Variants in SEC24D observed in about 807,000 individuals in gnomAD.
The protein encoded by SEC24D is SEC24 homolog D, COPII component.
Under a neutral mutation model 116.9 loss-of-function variants are expected in SEC24D, and 69 were observed. The ratio of observed to expected loss-of-function variants is 0.59; its 90% CI spans 0.49 to 0.72. SEC24D has a LOEUF of 0.72. Among genes scored for constraint, SEC24D ranks in the 30% least tolerant of loss-of-function variants. SEC24D has a pLI of 0.00. For missense variants in SEC24D, 1,131 were observed against 1,264.1 expected (o/e 0.89, Z 1.60); for synonymous variants, 405 against 442.8 (o/e 0.91, Z 1.07).
At chr4:118,764,600 A>G (rs747277857) in intron 10 of SEC24D, 2 of 460,042 alleles carry the variant, frequency 4.3e-6, no homozygotes, top group Non-Finnish European at 7.7e-6. Context: ...GTTTTTAAAA[A>G]TAATTCCTCC....
intron 19 of SEC24D, chr4:118,736,549 A>G: frequency 3.0e-6 from 1 of 330,014 alleles, no homozygotes; most frequent in Middle Eastern, 3.8e-4. Flanking sequence ...ATCTTCATAG[A>G]TATTATTTTT....
intron 8 of SEC24D, among the ~76,000 whole-genome samples, chr4:118,774,893 C>T (rs1728062353): frequency 6.6e-6 from 1 of 152,138 alleles, no homozygotes; most frequent in Non-Finnish European, 1.5e-5. Context: ...TTGACTTTCC[C>T]CCACTAATTG....
At chr4:118,765,191 T>A (rs1727587115) in intron 9 of SEC24D, among the ~76,000 whole-genome samples, 2 of 152,224 alleles carry the variant, frequency 1.3e-5, no homozygotes, top group Admixed American at 1.3e-4. Context: ...GTTTTTAAGT[T>A]GTCACAACCC....
At chr4:118,749,443 G>C (rs1244171794) in intron 13 of SEC24D, among the ~76,000 whole-genome samples, 1 of 152,154 alleles carries the variant, frequency 6.6e-6, no homozygotes, top group Non-Finnish European at 1.5e-5. Context: ...AGAAAATAAA[G>C]TTATAATAAA....
rs767316891 is a variant in SEC24D, at chr4:118,790,356, T to C, written c.1041+7327A>G. Among the ~76,000 whole-genome samples the C allele has an allele frequency of 2.5e-4, 38 of 152,306 alleles. 1 individual carries two copies. Among genetic ancestry groups the C allele is most frequent in the Middle Eastern group, 3.4e-3 (1 of 294 alleles). ...TTAGACTATGCACTTGTCCAAAAGA[T>C]AAACATTTCCTATTTTAGAGAAAAA... On this transcript the variant is annotated intron_variant, in intron 8 of 22. Coordinates refer to ENST00000280551, the MANE Select transcript of SEC24D (RefSeq NM_014822.4).
At chr4:118,772,774 C>T (rs917982232) in intron 8 of SEC24D, among the ~76,000 whole-genome samples, 1 of 152,118 alleles carries the variant, frequency 6.6e-6, no homozygotes, top group Non-Finnish European at 1.5e-5. Context: ...CAGTACACTG[C>T]GATGAAGAAA....
At chr4:118,830,378 CAT>C (rs780952707) in intron 2 of SEC24D, among the ~76,000 whole-genome samples, 17 of 152,290 alleles carry the variant, frequency 1.1e-4, no homozygotes, top group Admixed American at 2.0e-4. Context: ...GCCTGGGAAA[CAT>C]AGGGAGATCC....
In SEC24D at chr4:118,815,251, A is replaced by G. The variant is rs144669048; in HGVS notation, c.674-96T>C. ...TATGCTGTTCAGTCAAGCATGTTGT[A>G]TTTTTCATCTTATTAAAAAAAGCAA... On this transcript the variant is annotated intron_variant, in intron 5 of 22. Coordinates refer to ENST00000280551, the MANE Select transcript of SEC24D (RefSeq NM_014822.4). The G allele has an allele frequency of 2.7e-6, 4 of 1,469,262 alleles. No homozygotes were observed. In the East Asian group the frequency reaches 9.3e-5, roughly 34 times the overall value. 91.0% of individuals were successfully genotyped at this position (1,469,262 alleles called of 1,614,324 possible). A position where few individuals can be genotyped will look rare whatever the true frequency, so the allele number is the denominator to read the frequency against.
chr4:118,761,669 G>T (rs186255611), intron 10 of SEC24D, among the ~76,000 whole-genome samples: 1 of 152,206 alleles, frequency 6.6e-6, no homozygotes, highest in Non-Finnish European at 1.5e-5. Flanking sequence ...ATGTTTTGAG[G>T]GAAGGGGGAA....
At position 118,810,074 on chromosome 4, in the gene SEC24D, C is replaced by CT. The variant is rs776835322; in HGVS notation, c.802-4121dup. On this transcript the variant is annotated intron_variant, in intron 6 of 22. Coordinates refer to ENST00000280551, the MANE Select transcript of SEC24D (RefSeq NM_014822.4). Reference sequence around the variant, plus strand: ...TGGTAAGAGACCAGGTCAGAGGTAGCTGTGTGTGTGTGTGTGTGTGTGTGT... The same window carrying CT: ...TGGTAAGAGACCAGGTCAGAGGTAGCTTGTGTGTGTGTGTGTGTGTGTGTGT... Among the ~76,000 whole-genome samples, 18 of 38,620 alleles carry CT rather than the reference C, an allele frequency of 4.7e-4. No homozygotes were observed. The East Asian group carries it at 0.021, about 45-fold the overall frequency. 25.3% of individuals were successfully genotyped at this position (38,620 alleles called of 152,430 possible). A position where few individuals can be genotyped will look rare whatever the true frequency, so the allele number is the denominator to read the frequency against.
intron 8 of SEC24D, among the ~76,000 whole-genome samples, chr4:118,789,831 A>G (rs1465162473): frequency 1.3e-5 from 2 of 152,088 alleles, no homozygotes; most frequent in African/African-American, 4.8e-5. Flanking sequence ...TGATCCACCC[A>G]CCTTGGCCTC....
intron 8 of SEC24D, among the ~76,000 whole-genome samples, chr4:118,784,415 T>G (rs1309121984): frequency 6.6e-6 from 1 of 152,166 alleles, no homozygotes. Context: ...TAAAGAATTT[T>G]TCAAAACTTT....
chr4:118,729,868 A>C (rs1438331196), intron 21 of SEC24D: 1 of 152,202 alleles, frequency 6.6e-6, no homozygotes, highest in Non-Finnish European at 1.5e-5. Flanking sequence ...CATTATTTAC[A>C]TTCACACTCC....
chr4:118,800,104 G>A (rs1211023874), intron 7 of SEC24D, among the ~76,000 whole-genome samples: 1 of 152,258 alleles, frequency 6.6e-6, no homozygotes, highest in South Asian at 2.1e-4. Context: ...ATGCAGGTGG[G>A]CACAGTGGGA....
intron 8 of SEC24D, among the ~76,000 whole-genome samples, chr4:118,782,505 G>A (rs1347535968): frequency 6.6e-6 from 1 of 152,168 alleles, no homozygotes; most frequent in Non-Finnish European, 1.5e-5. Flanking sequence ...ACCTGTATGA[G>A]GTGTCAGTCA....
At chr4:118,760,136 TTCTC>T (rs1727299346) in intron 10 of SEC24D, among the ~76,000 whole-genome samples, 1 of 152,124 alleles carries the variant, frequency 6.6e-6, no homozygotes, top group Admixed American at 6.5e-5. Context: ...GATCCTCAAT[TTCTC>T]TCTTTTTCTA....
chr4:118,760,771 G>C (rs1051376213), intron 10 of SEC24D, among the ~76,000 whole-genome samples: 1 of 151,830 alleles, frequency 6.6e-6, no homozygotes, highest in East Asian at 1.9e-4. Flanking sequence ...GCAGTGGTGC[G>C]ATCTCGGCTC....
Position 118,739,149 on chromosome 4 carries a change from C to G in SEC24D, c.2377G>C (p.Ala793Pro). The change falls in exon 18 of 23, where the codon GCT becomes CCT. Residue 793 changes from alanine (A) to proline (P), a missense_variant and splice_region_variant. Ala to Pro is a conservative substitution (Grantham distance 27, BLOSUM62 -1). Transcript: ENST00000280551. The part of the protein sequence containing the change: ...DALINFFAKS[A>P]FKAVLHQPLK... ...AACCTCAGGATTGGCAAAGTGTTAC[C>G]TGACTTGGCAAAGAAGTTGATAAGA... 6.2e-7 allele frequency: 1 copy of G among 1,613,284 alleles called. No individual in the cohort carries two copies. The highest frequency in any genetic ancestry group is 8.5e-7 in the Non-Finnish European group (1 of 1,179,490).
intron 7 of SEC24D, among the ~76,000 whole-genome samples, chr4:118,803,706 A>G (rs1330968285): frequency 1.3e-5 from 2 of 152,206 alleles, no homozygotes; most frequent in African/African-American, 4.8e-5. Context: ...AGAATGCTTG[A>G]GTTCAAATTC....
Sources: allele counts gnomAD v4.1 joint callset (sites outside exome capture counted in the v4.1 genomes callset), GRCh38; gene constraint gnomAD v4.1.1; transcripts MANE v1.5; gene names NCBI Gene and HGNC (gene_info 2026-07-23, HGNC 2026-07-21).